The following ATP5F1E variants were observed in gnomAD, a reference collection of about 807,000 sequenced individuals.
ATP5F1E encodes ATP synthase F1 subunit epsilon, also known as ATP synthase F(1) complex subunit epsilon, mitochondrial.
Under a neutral mutation model 7.0 loss-of-function variants are expected in ATP5F1E, and 5 were observed. The observed-to-expected ratio is 0.71, with a 90% CI of 0.37 to 1.49. ATP5F1E has a LOEUF of 1.49. Ranked by LOEUF, ATP5F1E falls within the 40% of genes most tolerant of loss-of-function variation. ATP5F1E has a pLI of 0.03. For missense variants in ATP5F1E, 59 were observed against 57.1 expected (o/e 1.03, Z -0.11); for synonymous variants, 20 against 20.1 (o/e 0.99, Z 0.02).
In ATP5F1E at chr20:59,026,198, A is replaced by G. The variant is rs1285517069; in HGVS notation, c.*2647T>C. 1 of 152,272 alleles carries G rather than the reference A, an allele frequency of 6.6e-6. No individual in the cohort carries two copies. The highest frequency in any genetic ancestry group is 2.4e-5 in the African/African-American group (1 of 41,476). The allele number at this position is 152,272 out of a possible 1,614,324, so 9.4% of individuals were successfully genotyped here. ...GAAACTTCACTCTTTTCACTTATGC[A>G]TCACGAGGAAATAACTAAAATACAT... On this transcript the variant is annotated 3_prime_UTR_variant, in exon 3 of 3. Coordinates refer to ENST00000243997, the MANE Select transcript of ATP5F1E (RefSeq NM_006886.4).
chr20:59,029,942 T>G, intron 2 of ATP5F1E: 1 of 318,610 alleles, frequency 3.1e-6, no homozygotes, highest in Non-Finnish European at 6.1e-6. Context: ...GCTCTTGGAC[T>G]GTTATGTAAC....
At position 59,026,178 on chromosome 20, in the gene ATP5F1E, T is replaced by C. The variant is rs921457166; in HGVS notation, c.*2667A>G. 4 of 152,226 alleles carry C rather than the reference T, an allele frequency of 2.6e-5. No homozygotes were observed. The highest frequency in any genetic ancestry group is 9.6e-5 in the African/African-American group (4 of 41,458). 9.4% of individuals were successfully genotyped at this position (152,226 alleles called of 1,614,324 possible). ...ATGACAGTTGCTCATTCTGAGAAAC[T>C]TCACTCTTTTCACTTATGCATCACG... On this transcript the variant is annotated 3_prime_UTR_variant, in exon 3 of 3. Coordinates refer to ENST00000243997, the MANE Select transcript of ATP5F1E (RefSeq NM_006886.4).
Position 59,030,542 on chromosome 20 carries a change from T to C in ATP5F1E, c.33-113A>G, listed in dbSNP as rs950793131. 46 of 1,352,272 alleles carry C rather than the reference T, an allele frequency of 3.4e-5. No homozygotes were observed. The East Asian group carries it at 1.1e-3, about 33-fold the overall frequency. 83.8% of individuals were successfully genotyped at this position (1,352,272 alleles called of 1,614,324 possible). A position where few individuals can be genotyped will look rare whatever the true frequency, so the allele number is the denominator to read the frequency against. On this transcript the variant is annotated intron_variant, in intron 1 of 2. Transcript: ENST00000243997. ...TTTTTATTTTGGTTTGGTTGTACCT[T>C]ATTGTAGAATTGGATTTAAAAATAT...
rs904961959 is a variant in ATP5F1E at position 59,032,332 on chromosome 20, G to A, written c.-81C>T. On this transcript the variant is annotated 5_prime_UTR_variant, in exon 1 of 3. Coordinates refer to ENST00000243997, the MANE Select transcript of ATP5F1E (RefSeq NM_006886.4). The stretch of plus-strand genomic sequence containing the variant: ...GCTCAGCCGGGCGGTTCAGCCGCAG[G>A]AAGATCAGACCACAGAAGCGGAAGA... 23 of 1,542,946 alleles carry A rather than the reference G, an allele frequency of 1.5e-5. No individual in the cohort carries two copies. Among genetic ancestry groups the A allele is most frequent in the Non-Finnish European group, 1.9e-5 (22 of 1,138,206 alleles).
intron 1 of ATP5F1E, among the ~76,000 whole-genome samples, chr20:59,031,297 T>C (rs919796067): frequency 1.4e-4 from 22 of 152,208 alleles, no homozygotes; most frequent in African/African-American, 5.1e-4. Context: ...ATAATACCTG[T>C]CCTGCTGATA....
chr20:59,029,676 G>A (rs1272149426), intron 2 of ATP5F1E: 1 of 158,918 alleles, frequency 6.3e-6, no homozygotes, highest in Non-Finnish European at 1.4e-5. Context: ...CTTATCAACT[G>A]TACAGACCTT....
chr20:59,031,277 T>C (rs2092026715), intron 1 of ATP5F1E, among the ~76,000 whole-genome samples: 2 of 152,096 alleles, frequency 1.3e-5, no homozygotes. Flanking sequence ...AACAACAGAA[T>C]AAAAGGACAA....
At chr20:59,031,565 A>G (rs2092029876) in intron 1 of ATP5F1E, among the ~76,000 whole-genome samples, 1 of 152,208 alleles carries the variant, frequency 6.6e-6, no homozygotes, top group South Asian at 2.1e-4. Context: ...GTAAAAAAAA[A>G]TCGGATGTGA....
chr20:59,030,261 A>C, intron 2 of ATP5F1E, 42 bp downstream of exon 2: 2 of 1,609,256 alleles, frequency 1.2e-6, no homozygotes, highest in Non-Finnish European at 1.7e-6. Flanking sequence ...TGCTCCAAAA[A>C]CTTAAGATGC....
At chr20:59,030,264 TAA>T (rs2092017696) in intron 2 of ATP5F1E, 37 bp downstream of exon 2, 1 of 1,609,660 alleles carries the variant, frequency 6.2e-7, no homozygotes, top group African/African-American at 1.3e-5. Flanking sequence ...TCCAAAAACT[TAA>T]GATGCAACTG....
In ATP5F1E at chr20:59,032,154, C is replaced by T. The variant is rs989786327; in HGVS notation, c.32+66G>A. On this transcript the variant is annotated intron_variant, in intron 1 of 2. Coordinates refer to ENST00000243997, the MANE Select transcript of ATP5F1E (RefSeq NM_006886.4). ...GGCCGCTGCTCTGTGTCCTGCATGA[C>T]CTCTGGGCACCGGGATGCGCGCGGG... The T allele has an allele frequency of 2.1e-5, 33 of 1,554,134 alleles. No individual in the cohort carries two copies. The East Asian group carries it at 4.3e-4, about 20-fold the overall frequency.
chr20:59,029,850 T>C (rs943492484), intron 2 of ATP5F1E: 14 of 212,708 alleles, frequency 6.6e-5, no homozygotes, highest in African/African-American at 3.3e-4. Context: ...TGCCTGTAGT[T>C]ATTATGTTCG....
chr20:59,031,450 A>G (rs1473986676), intron 1 of ATP5F1E, among the ~76,000 whole-genome samples: 5 of 152,214 alleles, frequency 3.3e-5, no homozygotes, highest in East Asian at 1.9e-4. Context: ...CAAGTCGGGA[A>G]GCTCCGCTGT....
At position 59,032,312 on chromosome 20, in the gene ATP5F1E, G is replaced by C. The variant is rs1343133653; in HGVS notation, c.-61C>G. On this transcript the variant is annotated 5_prime_UTR_variant, in exon 1 of 3. Coordinates refer to ENST00000243997, the MANE Select transcript of ATP5F1E (RefSeq NM_006886.4). ...CCAAGACGCCGGCAATGTCGGCTCA[G>C]CCGGGCGGTTCAGCCGCAGGAAGAT... is the stretch of plus-strand genomic sequence containing the variant. The C allele has an allele frequency of 2.5e-6, 4 of 1,569,408 alleles. No homozygotes were observed. Among genetic ancestry groups the C allele is most frequent in the Non-Finnish European group, 3.5e-6 (4 of 1,156,740 alleles).
intron 2 of ATP5F1E, 53 bp downstream of exon 2, chr20:59,030,250 G>T: frequency 4.4e-6 from 7 of 1,604,674 alleles, no homozygotes; most frequent in Non-Finnish European, 6.0e-6. Flanking sequence ...GATCTTTATG[G>T]TGCTCCAAAA....
intron 1 of ATP5F1E, 126 bp downstream of exon 1, chr20:59,032,094 C>G: frequency 1.5e-6 from 2 of 1,352,784 alleles, no homozygotes; most frequent in Admixed American, 4.3e-5. Flanking sequence ...TTGGCGGCGA[C>G]GCCCGAGGCT....
chr20:59,030,566 A>G (rs2092020984), intron 1 of ATP5F1E, 137 bp from the exon 2 acceptor site: 1 of 1,091,368 alleles, frequency 9.2e-7, no homozygotes, highest in South Asian at 1.3e-5. Context: ...ATTTAAAAAT[A>G]TGACTAATGC....
chr20:59,030,159 C>A, intron 2 of ATP5F1E, 144 bp downstream of exon 2: 1 of 1,113,316 alleles, frequency 9.0e-7, no homozygotes, highest in Non-Finnish European at 1.3e-6. Flanking sequence ...AACCTGCATG[C>A]TTTAAATTAT....
intron 2 of ATP5F1E, 45 bp downstream of exon 2, chr20:59,030,258 A>G: frequency 1.9e-6 from 3 of 1,608,844 alleles, no homozygotes; most frequent in Non-Finnish European, 2.5e-6. Flanking sequence ...TGGTGCTCCA[A>G]AAACTTAAGA....
Sources: allele counts gnomAD v4.1 joint callset (sites outside exome capture counted in the v4.1 genomes callset), GRCh38; gene constraint gnomAD v4.1.1; transcripts MANE v1.5; gene names NCBI Gene and HGNC (gene_info 2026-07-23, HGNC 2026-07-21).